The following ZNF536 variants were observed in gnomAD, a reference collection of about 807,000 sequenced individuals.
ZNF536 encodes zinc finger protein 536.
In ZNF536, 13 loss-of-function variants were observed where a neutral mutation model predicts 84.5. The ratio of observed to expected loss-of-function variants is 0.15; its 90% confidence interval spans 0.10 to 0.24. ZNF536 has a LOEUF of 0.24. Among genes scored for constraint, ZNF536 ranks in the 10% least tolerant of loss-of-function variants. The pLI is 1.00. For synonymous variants in ZNF536, 811 were observed against 742.5 expected, an observed-to-expected ratio of 1.09 and a Z score of -1.50; for missense variants, 1,536 against 1,747.5, an observed-to-expected ratio of 0.88 and a Z score of 2.16.
intron 1 of ZNF536, among the ~76,000 whole-genome samples, chr19:30,565,137 T>A (rs1339762087): frequency 1.3e-5 from 2 of 151,802 alleles, no homozygotes; most frequent in Non-Finnish European, 2.9e-5. Context: ...GCTCAACCCC[T>A]CTGGGGTGGG....
chr19:30,693,335 T>C (rs927985421), intron 1 of ZNF536, among the ~76,000 whole-genome samples: 37 of 151,524 alleles, frequency 2.4e-4, no homozygotes, highest in Admixed American at 2.2e-3. Context: ...GAGGTTTTTT[T>C]CCCCCTCCCC....
At chr19:30,400,186 A>G (rs560903649) in intron 1 of ZNF536, among the ~76,000 whole-genome samples, 1 of 152,248 alleles carries the variant, frequency 6.6e-6, no homozygotes, top group African/African-American at 2.4e-5. Context: ...TTCTGTGAAC[A>G]ATGGCATACA....
Position 30,508,804 on chromosome 19 carries a change from TTTTC to T in ZNF536, c.2171-26027_2171-26024del, listed in dbSNP as rs1261660592. Among the ~76,000 whole-genome samples, 1,109 of 146,368 alleles carry T rather than the reference TTTTC, an allele frequency of 7.6e-3. 24 individuals carry two copies. The highest frequency in any genetic ancestry group is 0.028 in the African/African-American group (1,028 of 37,242). On this transcript the variant is annotated intron_variant, in intron 2 of 4. Coordinates refer to ENST00000355537, the MANE Select transcript of ZNF536 (RefSeq NM_014717.3). ...GTGTGGGCACCGTGGTTCTTTTCTC[TTTTC>T]TTTCTTTCTTTCTTTTTTTTTTTTT...
At chr19:30,523,597 C>G (rs1397106736) in intron 2 of ZNF536, among the ~76,000 whole-genome samples, 1 of 152,206 alleles carries the variant, frequency 6.6e-6, no homozygotes, top group Non-Finnish European at 1.5e-5. Context: ...GGGACAGTGA[C>G]AGTGGCTTCC....
At chr19:30,344,709 C>T (rs1317582135) in intron 2 of ZNF536, among the ~76,000 whole-genome samples, 3 of 151,978 alleles carry the variant, frequency 2.0e-5, no homozygotes, top group Non-Finnish European at 2.9e-5. Flanking sequence ...ATGGTGGCCT[C>T]GGGGATTCAG....
chr19:30,333,129 T>G (rs2047268158), intron 2 of ZNF536, among the ~76,000 whole-genome samples: 1 of 152,032 alleles, frequency 6.6e-6, no homozygotes, highest in Non-Finnish European at 1.5e-5. Flanking sequence ...CCAGCCTGCA[T>G]GATGGAGTGA....
At chr19:30,484,352 G>T (rs539535056) in intron 2 of ZNF536, among the ~76,000 whole-genome samples, 1 of 147,630 alleles carries the variant, frequency 6.8e-6, no homozygotes, top group Non-Finnish European at 1.5e-5. Flanking sequence ...TCAGCCTCCC[G>T]AGTAGCTGGG....
At chr19:30,598,044 A>G (rs542235031) in intron 1 of ZNF536, among the ~76,000 whole-genome samples, 2 of 152,306 alleles carry the variant, frequency 1.3e-5, no homozygotes, top group South Asian at 4.1e-4. Context: ...TGTTGTATGC[A>G]CATGTACACA....
At chr19:30,498,564 T>TGCA (rs2054816017) in intron 2 of ZNF536, among the ~76,000 whole-genome samples, 1 of 151,896 alleles carries the variant, frequency 6.6e-6, no homozygotes, top group Non-Finnish European at 1.5e-5. Flanking sequence ...GTAACAAACC[T>TGCA]GCACATCCTG....
chr19:30,658,020 C>T (rs986887451), intron 1 of ZNF536, among the ~76,000 whole-genome samples: 2 of 7,924 alleles, frequency 2.5e-4, no homozygotes, highest in Middle Eastern at 0.028. Context: ...CTTTCCATTC[C>T]CCCCCCCCTT....
chr19:30,701,636 C>CACAA (rs1344336560), intron 1 of ZNF536, among the ~76,000 whole-genome samples: 7 of 152,240 alleles, frequency 4.6e-5, no homozygotes, highest in Admixed American at 2.6e-4. Flanking sequence ...GACTCCTAAC[C>CACAA]AGAGGCCCCT....
chr19:30,331,002 A>G (rs984636877), intron 2 of ZNF536, among the ~76,000 whole-genome samples: 3 of 152,178 alleles, frequency 2.0e-5, no homozygotes, highest in African/African-American at 7.2e-5. Flanking sequence ...ATACTGGTAA[A>G]TAAAAGGGCC....
chr19:30,347,943 T>C (rs1423282100), intron 2 of ZNF536, among the ~76,000 whole-genome samples: 3 of 152,216 alleles, frequency 2.0e-5, no homozygotes, highest in African/African-American at 7.2e-5. Context: ...TGTCTTCTCC[T>C]ATGTCTTACT....
intron 2 of ZNF536, among the ~76,000 whole-genome samples, chr19:30,484,667 C>T (rs955701075): frequency 2.3e-4 from 22 of 96,310 alleles, no homozygotes; most frequent in African/African-American, 8.8e-4. Context: ...TTTCTTTTTT[C>T]TTCTTCTTCT....
chr19:30,254,866 TG>T (rs1375463304), intron 1 of ZNF536, among the ~76,000 whole-genome samples: 2 of 152,242 alleles, frequency 1.3e-5, no homozygotes, highest in Non-Finnish European at 2.9e-5. Context: ...TTCTGCCATC[TG>T]GTGAGATCTG....
intron 1 of ZNF536, among the ~76,000 whole-genome samples, chr19:30,415,236 CCTCCTCCTCTTCTCCCTCCCCCTT>C (rs1353426104): frequency 2.7e-4 from 30 of 110,240 alleles, no homozygotes; most frequent in Admixed American, 5.6e-4. Flanking sequence ...TCTCCCTCCC[CCTCCTCCTCTTCTCCCTCCCCCTT>C]CTCCTCCTCC....
chr19:30,400,962 C>A lies in ZNF536; in HGVS notation c.-3+28406C>A, dbSNP rs140635754. On this transcript the variant is annotated intron_variant, in intron 1 of 4. Transcript: ENST00000355537. ...GACCTAGGTTCCTATGATTTTTTTC[C>A]TATATTATCTTCTAAAAGTTTCATA... is the stretch of plus-strand genomic sequence containing the variant. Among the ~76,000 whole-genome samples, 646 of 152,044 alleles carry A rather than the reference C, an allele frequency of 4.2e-3. 1 individual carries two copies. The highest frequency in any genetic ancestry group is 7.0e-3 in the Non-Finnish European group (473 of 67,944).
chr19:30,263,657 A>G (rs1056770860), intron 1 of ZNF536, among the ~76,000 whole-genome samples: 5 of 152,204 alleles, frequency 3.3e-5, no homozygotes, highest in African/African-American at 7.2e-5. Context: ...ATTTGTTTAC[A>G]CTAATCAGAT....
chr19:30,698,546 G>C (rs2051761614), intron 1 of ZNF536, among the ~76,000 whole-genome samples: 1 of 152,176 alleles, frequency 6.6e-6, no homozygotes, highest in Non-Finnish European at 1.5e-5. Context: ...GGCTGCAACA[G>C]TTTCTCACTT....
Sources: allele counts gnomAD v4.1 joint callset (sites outside exome capture counted in the v4.1 genomes callset), GRCh38; gene constraint gnomAD v4.1.1; transcripts MANE v1.5; gene names NCBI Gene and HGNC (gene_info 2026-07-23, HGNC 2026-07-21).